Variants in ARMH3 observed in about 807,000 individuals in gnomAD.
The protein encoded by ARMH3 is armadillo-like helical domain-containing protein 3.
ARMH3 carries 60 observed loss-of-function variants against 99.1 expected under a neutral mutation model. The observed-to-expected ratio is 0.61, with a 90% CI of 0.49 to 0.75. The LOEUF is 0.75. Ranked by LOEUF, ARMH3 falls within the 30% of genes least tolerant of loss-of-function variation. The pLI is 0.00. For synonymous variants in ARMH3, 285 were observed against 292.8 expected, an observed-to-expected ratio of 0.97 and a Z score of 0.27; for missense variants, 679 against 843.1, an observed-to-expected ratio of 0.81 and a Z score of 2.41.
chr10:101,854,712 C>T (rs1406303263), intron 24 of ARMH3, among the ~76,000 whole-genome samples: 1 of 152,078 alleles, frequency 6.6e-6, no homozygotes, highest in African/African-American at 2.4e-5. Flanking sequence ...GGTCAGAGAC[C>T]TAAGTTTTAG....
At chr10:101,960,576 T>C (rs906169578) in intron 20 of ARMH3, among the ~76,000 whole-genome samples, 1 of 152,092 alleles carries the variant, frequency 6.6e-6, no homozygotes, top group Admixed American at 6.5e-5. Flanking sequence ...GTCACCTGTT[T>C]AGTGTTCTTT....
At chr10:101,942,819 T>C (rs143596578) in intron 22 of ARMH3, among the ~76,000 whole-genome samples, 401 of 150,862 alleles carry the variant, frequency 2.7e-3, no homozygotes, top group East Asian at 5.1e-3. Flanking sequence ...TGAACCAAGA[T>C]TGCACCACTG....
chr10:101,895,431 C>T (rs1278139341), intron 23 of ARMH3, among the ~76,000 whole-genome samples: 1 of 152,056 alleles, frequency 6.6e-6, no homozygotes, highest in African/African-American at 2.4e-5. Flanking sequence ...AGGCGCCCGC[C>T]ACCACGCCCG....
intron 2 of ARMH3, among the ~76,000 whole-genome samples, chr10:102,035,353 A>G (rs1027500960): frequency 4.6e-5 from 7 of 152,198 alleles, no homozygotes; most frequent in Non-Finnish European, 1.0e-4. Flanking sequence ...CAACAGAGCG[A>G]GACTCAGTCT....
At chr10:101,969,952 C>G (rs4917957) in intron 20 of ARMH3, among the ~76,000 whole-genome samples, 29,973 of 152,134 alleles carry the variant, frequency 0.2, 3,348 homozygotes, top group East Asian at 0.52. Context: ...GAGAGGGTAA[C>G]AACTGTGATC....
chr10:102,037,678 T>C (rs972855493), intron 2 of ARMH3, among the ~76,000 whole-genome samples: 1 of 152,052 alleles, frequency 6.6e-6, no homozygotes, highest in African/African-American at 2.4e-5. Flanking sequence ...GCTCAAGGGA[T>C]CCTCCCACCT....
At chr10:101,940,338 C>A (rs1270663257) in intron 22 of ARMH3, among the ~76,000 whole-genome samples, 1 of 152,096 alleles carries the variant, frequency 6.6e-6, no homozygotes, top group Non-Finnish European at 1.5e-5. Context: ...AACTGGCTGG[C>A]TTAGTTGATG....
chr10:102,029,195 G>A (rs954890286), intron 5 of ARMH3, among the ~76,000 whole-genome samples: 5 of 152,218 alleles, frequency 3.3e-5, no homozygotes, highest in Admixed American at 2.0e-4. Flanking sequence ...ATCTAAAAGG[G>A]TGGATTTATG....
At chr10:101,921,848 G>C (rs1296429362) in intron 23 of ARMH3, among the ~76,000 whole-genome samples, 7 of 152,218 alleles carry the variant, frequency 4.6e-5, no homozygotes, top group African/African-American at 1.7e-4. Context: ...TGCAGATAGA[G>C]TGGATAAAGA....
chr10:102,037,375 G>A (rs1162167536), intron 2 of ARMH3, among the ~76,000 whole-genome samples: 2 of 151,400 alleles, frequency 1.3e-5, no homozygotes, highest in African/African-American at 2.4e-5. Context: ...GTAGACATGG[G>A]GTTTTACTAC....
intron 19 of ARMH3, among the ~76,000 whole-genome samples, chr10:101,982,198 T>C (rs2135958011): frequency 6.6e-6 from 1 of 151,042 alleles, no homozygotes; most frequent in East Asian, 2.0e-4. Flanking sequence ...CTAGTCAACA[T>C]GGTGAAATGC....
In ARMH3 at chr10:101,996,734, A is replaced by T. The variant is rs537692085; in HGVS notation, c.1151-1379T>A. 1.7e-4 allele frequency among the ~76,000 whole-genome samples: 26 copies of T among 152,338 alleles called. No individual in the cohort carries two copies. The East Asian group carries it at 4.8e-3, about 28-fold the overall frequency. ...TATTTCATTATAGACAGTCTTTTAA[A>T]CTCTAAAAAAGCATATACACACAAA... On this transcript the variant is annotated intron_variant, in intron 15 of 25. Transcript: ENST00000370033.
At chr10:101,981,557 A>C (rs1432521192) in intron 19 of ARMH3, among the ~76,000 whole-genome samples, 17 of 152,240 alleles carry the variant, frequency 1.1e-4, no homozygotes, top group Admixed American at 1.1e-3. Flanking sequence ...TCTTCTCCAG[A>C]TATTTTCATA....
chr10:101,902,551 G>A (rs898322063), intron 23 of ARMH3, among the ~76,000 whole-genome samples: 9 of 152,062 alleles, frequency 5.9e-5, no homozygotes, highest in East Asian at 1.9e-4. Flanking sequence ...GCAGATGCAC[G>A]CACAGGCACT....
intron 18 of ARMH3, among the ~76,000 whole-genome samples, chr10:101,991,192 T>C (rs1846772650): frequency 6.6e-6 from 1 of 152,216 alleles, no homozygotes; most frequent in Non-Finnish European, 1.5e-5. Flanking sequence ...GATTAAGAAT[T>C]CAGCTAATTC....
At chr10:102,023,808 A>G in intron 6 of ARMH3, 59 bp from the exon 7 acceptor site, 1 of 1,463,150 alleles carries the variant, frequency 6.8e-7, no homozygotes, top group Non-Finnish European at 9.6e-7. Context: ...ATCTTGTGTA[A>G]TCTCCTCCCC....
chr10:101,995,590 A>G (rs1590154274), intron 15 of ARMH3, among the ~76,000 whole-genome samples: 1 of 152,152 alleles, frequency 6.6e-6, no homozygotes, highest in Non-Finnish European at 1.5e-5. Flanking sequence ...ATGGCTAACC[A>G]CCTTCCTGAA....
chr10:101,891,686 G>C (rs1468205006), intron 23 of ARMH3, among the ~76,000 whole-genome samples: 1 of 152,226 alleles, frequency 6.6e-6, no homozygotes, highest in Non-Finnish European at 1.5e-5. Flanking sequence ...CAGTTACTTA[G>C]TGTTGATACA....
chr10:101,937,535 A>G (rs1478908110), intron 23 of ARMH3, among the ~76,000 whole-genome samples: 1 of 150,922 alleles, frequency 6.6e-6, no homozygotes, highest in Admixed American at 6.6e-5. Flanking sequence ...AAAAAAAAAA[A>G]GAAGAAGAAG....
Sources: gnomAD v4.1 joint callset for allele counts (sites outside exome capture counted in the v4.1 genomes callset) on GRCh38, gnomAD v4.1.1 for gene constraint, MANE v1.5 for transcripts, NCBI Gene and HGNC (gene_info 2026-07-23, HGNC 2026-07-21) for gene names.